CADM2: variants seen among roughly 807,000 people sequenced by gnomAD.
CADM2 encodes the protein immunoglobulin superfamily member 4D.
Under a neutral mutation model 49.8 loss-of-function variants are expected in CADM2, and 12 were observed. The ratio of observed to expected loss-of-function variants is 0.24; its 90% confidence interval spans 0.15 to 0.39. CADM2 has a LOEUF of 0.39. Among genes scored for constraint, CADM2 ranks in the 10% least tolerant of loss-of-function variants. The probability of loss-of-function intolerance (pLI) is 1.00; values close to 1 mark genes in which losing one functional copy is unlikely to be tolerated. For synonymous variants in CADM2, 214 were observed against 175.4 expected, an observed-to-expected ratio of 1.22 and a Z score of -1.74; for missense variants, 378 against 492.3, an observed-to-expected ratio of 0.77 and a Z score of 2.20.
intron 1 of CADM2, among the ~76,000 whole-genome samples, chr3:85,537,128 G>T (rs1187490936): frequency 6.6e-6 from 1 of 151,968 alleles, no homozygotes; most frequent in Non-Finnish European, 1.5e-5. Context: ...CACAATAATT[G>T]TGTGATGTGA....
intron 8 of CADM2, among the ~76,000 whole-genome samples, chr3:86,058,401 T>A (rs1450187517): frequency 6.6e-6 from 1 of 152,192 alleles, no homozygotes; most frequent in Non-Finnish European, 1.5e-5. Context: ...TTCTAAGCCA[T>A]TTCAGAGTAT....
At chr3:85,532,920 C>T (rs1233955741) in intron 1 of CADM2, among the ~76,000 whole-genome samples, 8 of 152,068 alleles carry the variant, frequency 5.3e-5, no homozygotes, top group Non-Finnish European at 1.5e-5. Context: ...AACCAAATAC[C>T]ACATGTTCTC....
At chr3:85,946,491 G>T (rs895652853) in intron 7 of CADM2, among the ~76,000 whole-genome samples, 1 of 152,068 alleles carries the variant, frequency 6.6e-6, no homozygotes, top group Non-Finnish European at 1.5e-5. Context: ...AAAGAACAAG[G>T]CTGGAGGCAT....
At chr3:84,961,893 G>C (rs2030559836) in intron 1 of CADM2, among the ~76,000 whole-genome samples, 2 of 152,100 alleles carry the variant, frequency 1.3e-5, no homozygotes, top group African/African-American at 4.8e-5. Context: ...TGTCTATTCA[G>C]TGCAGTGCGA....
chr3:85,264,290 G>A (rs113316966), intron 1 of CADM2, among the ~76,000 whole-genome samples: 5 of 151,972 alleles, frequency 3.3e-5, no homozygotes, highest in South Asian at 2.1e-4. Context: ...GTTCCTTGTC[G>A]AAACATGCTG....
chr3:85,152,578 T>C (rs2039958970), intron 1 of CADM2, among the ~76,000 whole-genome samples: 1 of 152,144 alleles, frequency 6.6e-6, no homozygotes, highest in Non-Finnish European at 1.5e-5. Flanking sequence ...CCCCACCAAA[T>C]TGTCTTTAAT....
In CADM2 at chr3:86,014,517, C is replaced by T; in HGVS notation, c.971-51088C>T. ...CCCTGGAAAATACCACAGTGTTCAC[C>T]AAGGTAACTTGGAATCTCAGCTAGC... On this transcript the variant is annotated intron_variant, in intron 8 of 9. Transcript: ENST00000383699. 5.8e-6 allele frequency: 9 copies of T among 1,564,268 alleles called. No homozygotes were observed. The South Asian group carries it at 1.0e-4, about 18-fold the overall frequency.
Position 85,664,821 on chromosome 3 carries a change from G to A in CADM2, c.62-61701G>A, listed in dbSNP as rs557298917. On this transcript the variant is annotated intron_variant, in intron 1 of 9. Coordinates refer to ENST00000383699, the MANE Select transcript of CADM2 (RefSeq NM_001167675.2). ...ATAATTGAATTTCCCTTTTCGTTTA[G>A]CACTTTACTAAAATGGCAGTCACCC... 2.0e-5 allele frequency among the ~76,000 whole-genome samples: 3 copies of A among 151,888 alleles called. No individual in the cohort carries two copies. The South Asian group carries it at 6.2e-4, about 32-fold the overall frequency.
chr3:85,769,999 C>CA (rs140871610), intron 2 of CADM2, among the ~76,000 whole-genome samples: 5,623 of 151,252 alleles, frequency 0.037, 317 homozygotes, highest in African/African-American at 0.13. Context: ...AAAAAACAAA[C>CA]AAAAAAAACA....
At chr3:85,759,069 A>C (rs148341100) in intron 2 of CADM2, among the ~76,000 whole-genome samples, 2 of 152,100 alleles carry the variant, frequency 1.3e-5, no homozygotes, top group Admixed American at 6.6e-5. Flanking sequence ...ATCATTTACT[A>C]TACAGAGAGG....
chr3:85,599,299 T>C (rs916151321), intron 1 of CADM2, among the ~76,000 whole-genome samples: 1 of 152,068 alleles, frequency 6.6e-6, no homozygotes, highest in Non-Finnish European at 1.5e-5. Context: ...TATTAGGTCT[T>C]GGCTGTCTTT....
chr3:85,632,621 AG>A (rs2064346882), intron 1 of CADM2, among the ~76,000 whole-genome samples: 3 of 152,068 alleles, frequency 2.0e-5, no homozygotes, highest in Non-Finnish European at 4.4e-5. Flanking sequence ...CTAAATTTAG[AG>A]GATGCTCATG....
chr3:85,553,267 T>C (rs966058028), intron 1 of CADM2, among the ~76,000 whole-genome samples: 1 of 148,244 alleles, frequency 6.7e-6, no homozygotes, highest in Non-Finnish European at 1.5e-5. Context: ...GCATCTACCA[T>C]ATATCAGGTA....
chr3:85,651,106 C>A lies in CADM2; in HGVS notation c.62-75416C>A, dbSNP rs916953813. 3.3e-5 allele frequency among the ~76,000 whole-genome samples: 5 copies of A among 151,800 alleles called. No homozygotes were observed. The East Asian group carries it at 7.7e-4, about 23-fold the overall frequency. ...ATTTTAATACATTTCCTCAGGGCTACAACATAAATAAAATTTATCTTGCAT... is the reference window on the plus strand; with the variant it reads ...ATTTTAATACATTTCCTCAGGGCTAAAACATAAATAAAATTTATCTTGCAT... On this transcript the variant is annotated intron_variant, in intron 1 of 9. Coordinates refer to ENST00000383699, the MANE Select transcript of CADM2 (RefSeq NM_001167675.2).
At chr3:85,757,881 T>C (rs1224471568) in intron 2 of CADM2, among the ~76,000 whole-genome samples, 2 of 152,162 alleles carry the variant, frequency 1.3e-5, no homozygotes, top group Admixed American at 6.6e-5. Context: ...TGAGTTTTAG[T>C]AGAGTGGGTT....
chr3:86,047,109 ATTGT>A (rs1385905239), intron 8 of CADM2, among the ~76,000 whole-genome samples: 7 of 152,140 alleles, frequency 4.6e-5, no homozygotes, highest in South Asian at 4.1e-4. Context: ...GCTTCTTCAA[ATTGT>A]TTGAGCACGA....
Position 86,072,296 on chromosome 3 carries a change from CAAG to C in CADM2, c.*5517_*5519del, listed in dbSNP as rs2107467104. ...ACATATTTTATATGCATATATATAT[CAAG>C]AAGTTATATATATATAACTCAAGAA... On this transcript the variant is annotated 3_prime_UTR_variant, in exon 10 of 10. Coordinates refer to ENST00000383699, the MANE Select transcript of CADM2 (RefSeq NM_001167675.2). 6.7e-6 allele frequency: 1 copy of C among 148,992 alleles called. No individual in the cohort carries two copies. The highest frequency in any genetic ancestry group is 2.1e-4 in the South Asian group (1 of 4,714). The allele number at this position is 148,992 out of a possible 1,614,324, so 9.2% of individuals were successfully genotyped here.
chr3:84,960,607 C>G (rs953531672), intron 1 of CADM2, among the ~76,000 whole-genome samples: 1 of 152,020 alleles, frequency 6.6e-6, no homozygotes, highest in Non-Finnish European at 1.5e-5. Context: ...TAATATTATC[C>G]TTTCACGTGA....
chr3:85,959,188 AC>A (rs1366054959), intron 7 of CADM2, among the ~76,000 whole-genome samples: 1 of 141,370 alleles, frequency 7.1e-6, no homozygotes, highest in Non-Finnish European at 1.5e-5. Flanking sequence ...CACAAAGGCA[AC>A]TGATGAACAG....
Sources: allele counts gnomAD v4.1 joint callset (sites outside exome capture counted in the v4.1 genomes callset), GRCh38; gene constraint gnomAD v4.1.1; transcripts MANE v1.5; gene names NCBI Gene and HGNC (gene_info 2026-07-23, HGNC 2026-07-21).